CR1L: variants seen among roughly 807,000 people sequenced by gnomAD.
The protein encoded by CR1L is complement component receptor 1-like protein.
CR1L carries 59 observed loss-of-function variants against 62.3 expected under a neutral mutation model. The ratio of observed to expected loss-of-function variants is 0.95; its 90% CI spans 0.77 to 1.18. CR1L has a LOEUF of 1.18. CR1L is among the 50% of genes most tolerant of loss of function. CR1L has a pLI of 0.00. For missense variants in CR1L, 700 were observed against 702.8 expected, an observed-to-expected ratio of 1.00 and a Z score of 0.04; for synonymous variants, 279 against 248.7, an observed-to-expected ratio of 1.12 and a Z score of -1.15.
At chr1:207,717,066 A>T (rs970540941) in intron 10 of CR1L, among the ~76,000 whole-genome samples, 2 of 152,172 alleles carry the variant, frequency 1.3e-5, no homozygotes, top group African/African-American at 4.8e-5. Flanking sequence ...AAGTTCATAG[A>T]TTTCCTTGGA....
At chr1:207,679,798 A>G (rs777714998) in intron 3 of CR1L, among the ~76,000 whole-genome samples, 1 of 152,216 alleles carries the variant, frequency 6.6e-6, no homozygotes, top group Non-Finnish European at 1.5e-5. Context: ...GAAGAGACAT[A>G]GAGGAACCTT....
At chr1:207,669,419 C>T in intron 1 of CR1L, 1 of 1,220,030 alleles carries the variant, frequency 8.2e-7, no homozygotes, top group South Asian at 1.2e-5. Context: ...GAGATCAAAT[C>T]TGGTTTGTAG....
intron 1 of CR1L, among the ~76,000 whole-genome samples, chr1:207,663,619 G>A (rs914957513): frequency 6.6e-5 from 10 of 152,180 alleles, no homozygotes; most frequent in East Asian, 1.9e-4. Context: ...GCCCTGCTTC[G>A]GCTCATGCAC....
In CR1L at chr1:207,697,869, G is replaced by A. The variant is rs374048406; in HGVS notation, c.1138G>A (p.Glu380Lys). The change falls in exon 7 of 12, where the codon GAA (glutamate) becomes AAA (lysine). Residue 380 changes from glutamate to lysine, a missense_variant. Glu to Lys is a moderately conservative substitution (Grantham distance 56). Transcript: ENST00000508064. ...AGCAAAAGTGGATTTTGTTTGTGAT[G>A]AAGGGTGAGTATGAGCTTGCCTGAC... ...LGAKVDFVCD[E>K]GFQLKGSSAS... The A allele has an allele frequency of 6.2e-7, 1 of 1,613,852 alleles. No individual in the cohort carries two copies.
intron 10 of CR1L, 56 bp downstream of exon 10, chr1:207,708,319 C>T: frequency 6.3e-7 from 1 of 1,584,602 alleles, no homozygotes; most frequent in Non-Finnish European, 8.6e-7. Context: ...GAGTTGTCCT[C>T]CTAGAATTAC....
intron 11 of CR1L, 66 bp from the exon 12 acceptor site, chr1:207,723,552 G>A (rs1654184391): frequency 1.5e-6 from 2 of 1,313,334 alleles, no homozygotes; most frequent in South Asian, 1.3e-5. Context: ...GTCACTGGCT[G>A]AGAAGTCCTG....
rs146341419 is a variant in CR1L at position 207,717,667 on chromosome 1, C to T, written c.1618C>T (p.Arg540Cys). ...GNGVWSSPAP[R>C]CELPVGAGSH... ...TGGGGTTTGGAGCAGCCCTGCCCCT[C>T]GCTGTGAACTTCCTGTTGGTGCTGG... Residue 540 changes from arginine (R) to cysteine (C), a missense_variant, in exon 11 of 12, where the codon CGC becomes TGC. Physicochemically the swap from Arg to Cys is radical, Grantham distance 180. Transcript: ENST00000508064. 7.4e-4 allele frequency: 1,194 copies of T among 1,613,974 alleles called. 4 individuals carry two copies. The African/African-American group carries it at 0.012, about 16-fold the overall frequency.
At chr1:207,672,158 T>C (rs917563639) in intron 1 of CR1L, among the ~76,000 whole-genome samples, 8 of 150,614 alleles carry the variant, frequency 5.3e-5, no homozygotes, top group Non-Finnish European at 7.4e-5. Context: ...ATTTTAAATA[T>C]AGACAATATA....
At position 207,678,198 on chromosome 1, in the gene CR1L, G is replaced by A. The variant is rs1474365202; in HGVS notation, c.278G>A (p.Arg93His). 4 of 1,613,314 alleles carry A rather than the reference G, an allele frequency of 2.5e-6. No individual in the cohort carries two copies. Among genetic ancestry groups the A allele is most frequent in the Middle Eastern group, 1.6e-4 (1 of 6,084 alleles). Residue 93 changes from arginine to histidine, a missense_variant and splice_region_variant, in exon 3 of 12, where the codon CGT becomes CAT. Transcript: ENST00000508064. ...VWTSAKDKCKRKSCRNPPDPV... is the reference protein window; with the variant it reads ...VWTSAKDKCKHKSCRNPPDPV... ...TCAAATTTCTGTTTCTTTCCTGTAG[G>A]TAAATCATGTCGTAATCCTCCAGAT...
intron 3 of CR1L, among the ~76,000 whole-genome samples, chr1:207,680,957 T>A (rs1278923460): frequency 6.6e-6 from 1 of 152,242 alleles, no homozygotes; most frequent in Non-Finnish European, 1.5e-5. Context: ...CACTTTGGAA[T>A]GCTGACCCCA....
intron 9 of CR1L, among the ~76,000 whole-genome samples, chr1:207,706,406 A>C (rs868455029): frequency 5.9e-5 from 9 of 151,910 alleles, no homozygotes; most frequent in Non-Finnish European, 1.2e-4. Flanking sequence ...GGATGACAGA[A>C]TGACACCTTG....
At chr1:207,656,191 T>A (rs1164077632) in intron 1 of CR1L, among the ~76,000 whole-genome samples, 1 of 152,174 alleles carries the variant, frequency 6.6e-6, no homozygotes, top group Non-Finnish European at 1.5e-5. Flanking sequence ...CGAGCCGAGA[T>A]CGCGCCACTG....
At chr1:207,694,238 C>G in intron 4 of CR1L, 115 bp from the exon 5 acceptor site, 1 of 1,292,804 alleles carries the variant, frequency 7.7e-7, no homozygotes, top group Non-Finnish European at 1.1e-6. Context: ...AAAAATGTAC[C>G]TACGTGTTAG....
At position 207,685,903 on chromosome 1, in the gene CR1L, A is replaced by G. The variant is rs189901105; in HGVS notation, c.463+1946A>G. Among the ~76,000 whole-genome samples the G allele has an allele frequency of 4.1e-3, 624 of 152,092 alleles. 7 individuals are homozygous for G. Among genetic ancestry groups the G allele is most frequent in the African/African-American group, 0.015 (611 of 41,502 alleles). ...TCTCATGCTGTAACCCTAGTCCAGAACCGTACAGAGAAAGTAAGTCTGGAA... is the reference window on the plus strand; with the variant it reads ...TCTCATGCTGTAACCCTAGTCCAGAGCCGTACAGAGAAAGTAAGTCTGGAA... On this transcript the variant is annotated intron_variant, in intron 4 of 11. Transcript: ENST00000508064.
intron 4 of CR1L, 124 bp downstream of exon 4, chr1:207,684,081 A>G: frequency 1.2e-6 from 1 of 841,476 alleles, no homozygotes; most frequent in Non-Finnish European, 1.8e-6. Context: ...AGACAGCCAT[A>G]ATGTTCTCAG....
At chr1:207,682,497 G>A (rs749364168) in intron 3 of CR1L, among the ~76,000 whole-genome samples, 14 of 151,916 alleles carry the variant, frequency 9.2e-5, no homozygotes, top group Non-Finnish European at 2.1e-4. Context: ...AAATGATATC[G>A]AAGTCACTAA....
intron 10 of CR1L, chr1:207,710,265 C>T: frequency 1.5e-6 from 1 of 657,174 alleles, no homozygotes; most frequent in Non-Finnish European, 2.7e-6. Context: ...GATTGCTTGA[C>T]CTGGGAAGTT....
intron 9 of CR1L, among the ~76,000 whole-genome samples, chr1:207,702,198 C>T (rs571854100): frequency 6.6e-6 from 1 of 152,134 alleles, no homozygotes. Context: ...ATTATCATGT[C>T]TGTGATAGTG....
rs1421013864 is a variant in CR1L, at chr1:207,719,175, G to T, written c.1642+1484G>T. ...CTAATGCTAGATGACACGTTAGTGG[G>T]TGCAGCGCACCAGCATGGCACATGT... is the stretch of plus-strand genomic sequence containing the variant. On this transcript the variant is annotated intron_variant, in intron 11 of 11. Coordinates refer to ENST00000508064, the MANE Select transcript of CR1L (RefSeq NM_175710.2). Among the ~76,000 whole-genome samples the T allele has an allele frequency of 3.5e-5, 5 of 144,436 alleles. No individual in the cohort carries two copies. In the South Asian group the frequency reaches 6.6e-4, roughly 19 times the overall value. The allele number at this position is 144,436 out of a possible 152,430, so 94.8% of individuals were successfully genotyped here. A position where few individuals can be genotyped will look rare whatever the true frequency, so the allele number is the denominator to read the frequency against.
Sources: allele counts gnomAD v4.1 joint callset (sites outside exome capture counted in the v4.1 genomes callset), GRCh38; gene constraint gnomAD v4.1.1; transcripts MANE v1.5; gene names NCBI Gene and HGNC (gene_info 2026-07-23, HGNC 2026-07-21).